LTBP2: variants seen among roughly 807,000 people sequenced by gnomAD.
LTBP2 encodes latent-transforming growth factor beta-binding protein 2.
LTBP2 carries 103 observed loss-of-function variants against 210.6 expected under a neutral mutation model. The observed-to-expected ratio is 0.49, with a 90% CI of 0.42 to 0.58. The LOEUF (loss-of-function observed/expected upper bound fraction) is 0.58, where lower values mean the gene tolerates loss of function less well. Among genes scored for constraint, LTBP2 ranks in the 20% least tolerant of loss-of-function variants. The pLI is 0.00. For synonymous variants in LTBP2, 1,007 were observed against 1,015.0 expected (o/e 0.99, Z 0.15); for missense variants, 2,313 against 2,494.5 (o/e 0.93, Z 1.55).
intron 8 of LTBP2, among the ~76,000 whole-genome samples, chr14:74,549,201 C>G (rs911786318): frequency 5.3e-5 from 8 of 152,214 alleles, no homozygotes; most frequent in Non-Finnish European, 1.0e-4. Context: ...ATCTGGTCAC[C>G]CTCCTCCCAA....
intron 2 of LTBP2, among the ~76,000 whole-genome samples, chr14:74,597,615 C>A (rs1047922949): frequency 6.6e-6 from 1 of 152,242 alleles, no homozygotes; most frequent in Non-Finnish European, 1.5e-5. Context: ...CTCCTAATCA[C>A]CTCGTTGGAC....
chr14:74,510,001 G>A, intron 20 of LTBP2, 90 bp downstream of exon 20: 3 of 1,610,836 alleles, frequency 1.9e-6, no homozygotes, highest in Non-Finnish European at 2.5e-6. Context: ...GGCCAGGGGT[G>A]GATTCAGGGG....
chr14:74,543,389 A>C (rs970696750), intron 8 of LTBP2, among the ~76,000 whole-genome samples: 25 of 151,686 alleles, frequency 1.6e-4, no homozygotes, highest in African/African-American at 6.0e-4. Context: ...AAAAAAAAAA[A>C]AAAAAAAACA....
intron 3 of LTBP2, among the ~76,000 whole-genome samples, chr14:74,578,481 C>A (rs2088090941): frequency 6.6e-6 from 1 of 152,186 alleles, no homozygotes; most frequent in South Asian, 2.1e-4. Context: ...CCAAATTTAA[C>A]CCCCCTGCCC....
intron 3 of LTBP2, 102 bp from the exon 4 acceptor site, chr14:74,555,795 G>T: frequency 1.2e-6 from 1 of 845,616 alleles, no homozygotes; most frequent in Non-Finnish European, 1.7e-6. Flanking sequence ...CAAGAAAAAT[G>T]CTCTCTGGCT....
chr14:74,575,240 G>A (rs2088043068), intron 3 of LTBP2, among the ~76,000 whole-genome samples: 1 of 152,194 alleles, frequency 6.6e-6, no homozygotes, highest in Non-Finnish European at 1.5e-5. Context: ...TGACCTCCAT[G>A]GATCTCAGGT....
chr14:74,551,663 G>A (rs997927538), intron 6 of LTBP2, among the ~76,000 whole-genome samples: 6 of 152,100 alleles, frequency 3.9e-5, no homozygotes, highest in South Asian at 2.1e-4. Context: ...CCCCACCTCC[G>A]TGCCTTTGCT....
Position 74,505,124 on chromosome 14 carries a change from G to A in LTBP2, c.4228C>T (p.Arg1410Cys), listed in dbSNP as rs781322410. The change falls in exon 29 of 36, where the codon CGC becomes TGC. Residue 1410 changes from arginine to cysteine, a missense_variant. Physicochemically the swap from Arg to Cys is radical, Grantham distance 180. Transcript: ENST00000261978. Reference sequence around the variant, plus strand: ...TTCTGCCCGGAGTAGCAGTCCATGCGGGTGGGGGCCGGGGCATGGTCCCCC... The same window carrying A: ...TTCTGCCCGGAGTAGCAGTCCATGCAGGTGGGGGCCGGGGCATGGTCCCCC... ...PTGDHAPAPT[R>C]MDCYSGQKGH... 11 of 1,613,740 alleles carry A rather than the reference G, an allele frequency of 6.8e-6. No individual in the cohort carries two copies. The highest frequency in any genetic ancestry group is 2.2e-5 in the East Asian group (1 of 44,892).
chr14:74,544,853 T>C (rs2087557938), intron 8 of LTBP2, among the ~76,000 whole-genome samples: 1 of 152,176 alleles, frequency 6.6e-6, no homozygotes, highest in Non-Finnish European at 1.5e-5. Context: ...CAGTTTTTAA[T>C]AAGTTGTCCC....
In LTBP2 at chr14:74,504,046, C is replaced by T; in HGVS notation, c.4462G>A (p.Glu1488Lys). 3 of 1,613,948 alleles carry T rather than the reference C, an allele frequency of 1.9e-6. No homozygotes were observed. ...FGQTMYTDAD[E>K]CVIFGPGLCP... ...AGACCAGGCCCGAATATCACACACT[C>T]ATCCGCATCTGTGGAAGGCAGAGCT... The change falls in exon 31 of 36, where the codon GAG (glutamate) becomes AAG (lysine). Residue 1488 changes from glutamate to lysine, a missense_variant. Glu to Lys is a moderately conservative substitution (Grantham distance 56). Around this residue, in one of 3 missense-constraint regions of LTBP2, gnomAD observed 443 missense variants for 501.4 expected, o/e 0.88. Transcript: ENST00000261978.
At chr14:74,505,897 A>G in intron 28 of LTBP2, 151 bp downstream of exon 28, 1 of 1,084,648 alleles carries the variant, frequency 9.2e-7, no homozygotes, top group African/African-American at 1.6e-5. Flanking sequence ...TCACCCCTCC[A>G]TGCACCAGGC....
At chr14:74,540,271 G>A (rs895720777) in intron 8 of LTBP2, among the ~76,000 whole-genome samples, 10 of 151,944 alleles carry the variant, frequency 6.6e-5, no homozygotes, top group Non-Finnish European at 1.3e-4. Flanking sequence ...TCTGGAACTC[G>A]AGACCAGCCT....
At chr14:74,534,009 C>T (rs905631498) in intron 9 of LTBP2, among the ~76,000 whole-genome samples, 1 of 152,188 alleles carries the variant, frequency 6.6e-6, no homozygotes, top group Non-Finnish European at 1.5e-5. Flanking sequence ...GCACTGGGCA[C>T]AGGAACGAGG....
At position 74,611,648 on chromosome 14, in the gene LTBP2, G is replaced by C. The variant is rs768851254; in HGVS notation, c.297C>G (p.Thr99=). The change falls in exon 1 of 36, where the codon ACC becomes ACG. Residue 99 remains threonine (T), a synonymous_variant. Transcript: ENST00000261978. ...QPGWGSPRRP[T]EAEARRPSRA... ...GGGACGGCCTCCTGGCCTCCGCCTC[G>C]GTGGGCCTCCTGGGGCTCCCCCAGC... The C allele has an allele frequency of 2.6e-6, 4 of 1,557,804 alleles. No individual in the cohort carries two copies. The highest frequency in any genetic ancestry group is 3.5e-6 in the Non-Finnish European group (4 of 1,157,444).
At chr14:74,560,736 A>T (rs1275980110) in intron 3 of LTBP2, among the ~76,000 whole-genome samples, 2 of 152,200 alleles carry the variant, frequency 1.3e-5, no homozygotes, top group African/African-American at 2.4e-5. Flanking sequence ...ATTTGGGGGG[A>T]AAACCCCCAA....
chr14:74,594,309 G>T lies in LTBP2; in HGVS notation c.566-8191C>A, dbSNP rs144971554. On this transcript the variant is annotated intron_variant, in intron 2 of 35. Coordinates refer to ENST00000261978, the MANE Select transcript of LTBP2 (RefSeq NM_000428.3). ...ATCTATGACCCGTTAGATAGAGGAG[G>T]CACCAACTTCAGGGTGGGCCCCTTT... is the stretch of plus-strand genomic sequence containing the variant. Among the ~76,000 whole-genome samples, 646 of 152,260 alleles carry T rather than the reference G, an allele frequency of 4.2e-3. 4 individuals are homozygous for T. The highest frequency in any genetic ancestry group is 3.4e-3 in the Admixed American group (52 of 15,294).
intron 10 of LTBP2, 128 bp downstream of exon 10, chr14:74,532,298 G>C: frequency 1.5e-6 from 2 of 1,319,954 alleles, no homozygotes; most frequent in South Asian, 2.4e-5. Flanking sequence ...TTGAATAGCC[G>C]ACACAGGCCC....
chr14:74,536,501 T>C (rs2087423679), intron 8 of LTBP2, among the ~76,000 whole-genome samples: 1 of 152,200 alleles, frequency 6.6e-6, no homozygotes, highest in Non-Finnish European at 1.5e-5. Context: ...TATGAGGTAA[T>C]ACACATGGGT....
rs371023355 is a variant in LTBP2 at position 74,503,229 on chromosome 14, C to T, written c.4878G>A (p.Pro1626=). 31 of 1,614,022 alleles carry T rather than the reference C, an allele frequency of 1.9e-5. No individual in the cohort carries two copies. The highest frequency in any genetic ancestry group is 3.3e-5 in the Admixed American group (2 of 60,032). Residue 1626 remains proline, a synonymous_variant, in exon 33 of 36, where the codon CCG becomes CCA. Coordinates refer to ENST00000261978, the MANE Select transcript of LTBP2 (RefSeq NM_000428.3). The stretch of plus-strand genomic sequence containing the variant: ...TTTGCTCCCCCTCACCAGAGCTCCT[C>T]GGGGGACACAGAGCACACTGCTGGC... ...AWSQQCALCP[P]RSSEVYAQLC... is the part of the protein sequence containing the mutation.
Sources: gnomAD v4.1 joint callset for allele counts (sites outside exome capture counted in the v4.1 genomes callset) on GRCh38, gnomAD v4.1.1 for gene constraint, gnomAD v4.1.1 regional missense constraint, MANE v1.5 for transcripts, NCBI Gene and HGNC (gene_info 2026-07-23, HGNC 2026-07-21) for gene names.